Variants in TAX1BP1 observed in about 807,000 individuals in gnomAD.
The protein encoded by TAX1BP1 is Tax1 binding protein 1, also known as tax1-binding protein 1.
In TAX1BP1, 62 loss-of-function variants were observed where a neutral mutation model predicts 97.7. That is an observed-to-expected ratio of 0.63 (90% CI 0.52 to 0.78). The LOEUF (loss-of-function observed/expected upper bound fraction) is 0.78, where lower values mean the gene tolerates loss of function less well. Ranked by LOEUF, TAX1BP1 falls within the 30% of genes least tolerant of loss-of-function variation. The pLI is 0.00. For missense variants in TAX1BP1, 867 were observed against 916.1 expected (o/e 0.95, Z 0.69); for synonymous variants, 340 against 304.2 (o/e 1.12, Z -1.23).
intron 3 of TAX1BP1, among the ~76,000 whole-genome samples, chr7:27,760,210 A>G (rs954021585): frequency 2.0e-5 from 3 of 152,076 alleles, no homozygotes; most frequent in East Asian, 3.9e-4. Flanking sequence ...CTGGTTTACC[A>G]TATTCAGAAT....
chr7:27,779,449 T>G (rs1194008221), intron 5 of TAX1BP1, among the ~76,000 whole-genome samples: 1 of 152,260 alleles, frequency 6.6e-6, no homozygotes, highest in Non-Finnish European at 1.5e-5. Context: ...GAACTAGCTT[T>G]GTAATTTCCC....
intron 8 of TAX1BP1, among the ~76,000 whole-genome samples, chr7:27,788,739 C>T (rs1283541084): frequency 6.6e-6 from 1 of 151,962 alleles, no homozygotes; most frequent in Non-Finnish European, 1.5e-5. Context: ...GCTTTGAATA[C>T]TTTCTTGCTT....
chr7:27,811,649 TAG>T (rs955604668), intron 13 of TAX1BP1, among the ~76,000 whole-genome samples: 3 of 152,074 alleles, frequency 2.0e-5, no homozygotes, highest in Non-Finnish European at 2.9e-5. Flanking sequence ...TTCATTTAAA[TAG>T]AGTTTGATGA....
chr7:27,783,582 A>G (rs1240754658), intron 5 of TAX1BP1, among the ~76,000 whole-genome samples: 1 of 152,206 alleles, frequency 6.6e-6, no homozygotes, highest in Non-Finnish European at 1.5e-5. Context: ...CAATTAGTTC[A>G]TGATTTACAT....
intron 5 of TAX1BP1, among the ~76,000 whole-genome samples, chr7:27,777,427 C>T (rs963155507): frequency 6.6e-6 from 1 of 152,140 alleles, no homozygotes; most frequent in Non-Finnish European, 1.5e-5. Context: ...TTAGAGAATA[C>T]TGTAATTGTT....
chr7:27,770,114 T>C (rs1293484165), intron 5 of TAX1BP1, among the ~76,000 whole-genome samples: 1 of 152,120 alleles, frequency 6.6e-6, no homozygotes, highest in Non-Finnish European at 1.5e-5. Context: ...AATTGTAGAA[T>C]ACTTGATTTT....
chr7:27,747,656 A>G, intron 1 of TAX1BP1, among the ~76,000 whole-genome samples: 1 of 152,122 alleles, frequency 6.6e-6, no homozygotes, highest in Non-Finnish European at 1.5e-5. Context: ...CAAGCTTGTA[A>G]CAGAAGCCCA....
intron 15 of TAX1BP1, among the ~76,000 whole-genome samples, chr7:27,823,775 A>T (rs950231001): frequency 6.6e-6 from 1 of 152,142 alleles, no homozygotes; most frequent in Non-Finnish European, 1.5e-5. Flanking sequence ...AACAACTCCC[A>T]TTCCCTCTTC....
At chr7:27,757,057 C>A (rs1341525231) in intron 2 of TAX1BP1, among the ~76,000 whole-genome samples, 1 of 152,088 alleles carries the variant, frequency 6.6e-6, no homozygotes, top group Non-Finnish European at 1.5e-5. Flanking sequence ...GTAGTTTCAA[C>A]CATTCCTTTG....
intron 13 of TAX1BP1, among the ~76,000 whole-genome samples, chr7:27,801,835 A>C (rs1375476021): frequency 6.6e-6 from 1 of 152,222 alleles, no homozygotes; most frequent in African/African-American, 2.4e-5. Flanking sequence ...CTGTTTTGAC[A>C]CAGACTAACA....
chr7:27,800,172 T>G, intron 13 of TAX1BP1, 82 bp downstream of exon 13: 4 of 1,275,154 alleles, frequency 3.1e-6, no homozygotes, highest in Non-Finnish European at 4.2e-6. Context: ...CAATCTAATG[T>G]ACATTTTAAA....
intron 5 of TAX1BP1, among the ~76,000 whole-genome samples, chr7:27,775,038 G>T (rs1372486147): frequency 6.6e-6 from 1 of 152,108 alleles, no homozygotes; most frequent in Non-Finnish European, 1.5e-5. Flanking sequence ...ATTTATTTAA[G>T]ATTGTCCTGA....
intron 3 of TAX1BP1, among the ~76,000 whole-genome samples, chr7:27,764,981 T>A (rs1218157288): frequency 1.9e-4 from 1 of 5,334 alleles, no homozygotes; most frequent in Non-Finnish European, 3.6e-4. Flanking sequence ...ATTTCTCTTA[T>A]CTTATAGATT....
intron 13 of TAX1BP1, among the ~76,000 whole-genome samples, chr7:27,800,553 CT>C (rs1790093591): frequency 1.3e-5 from 2 of 151,916 alleles, no homozygotes; most frequent in South Asian, 2.1e-4. Flanking sequence ...ACCCACCCCC[CT>C]ACCAGTCTCT....
rs1420858809 is a variant in TAX1BP1, at chr7:27,765,922, C to T, written c.354C>T (p.Phe118=). 1.2e-6 allele frequency: 2 copies of T among 1,614,050 alleles called. No individual in the cohort carries two copies. Among genetic ancestry groups the T allele is most frequent in the Admixed American group, 1.7e-5 (1 of 60,006 alleles). The change falls in exon 4 of 17, where the codon TTC becomes TTT. Residue 118 remains phenylalanine, a synonymous_variant. Coordinates refer to ENST00000396319, the MANE Select transcript of TAX1BP1 (RefSeq NM_006024.7). ...KGEIRGASTP[F]QFRASSPVEE... is the part of the protein sequence containing the mutation. Reference sequence around the variant, plus strand: ...AAATTCGTGGAGCAAGTACACCTTTCCAGTTTCGAGCTTCTTCTCCAGTTG... The same window carrying T: ...AAATTCGTGGAGCAAGTACACCTTTTCAGTTTCGAGCTTCTTCTCCAGTTG...
At chr7:27,777,783 C>T (rs994518629) in intron 5 of TAX1BP1, among the ~76,000 whole-genome samples, 11 of 152,196 alleles carry the variant, frequency 7.2e-5, no homozygotes, top group Non-Finnish European at 1.0e-4. Context: ...AAAAGTCTCT[C>T]TAGACAGTAA....
intron 15 of TAX1BP1, among the ~76,000 whole-genome samples, chr7:27,817,367 T>C (rs1790815498): frequency 6.6e-6 from 1 of 152,228 alleles, no homozygotes; most frequent in Admixed American, 6.5e-5. Flanking sequence ...TACTATATTC[T>C]TTTGATTATA....
rs750607494 is a variant in TAX1BP1, at chr7:27,787,488, A to T, written c.923A>T (p.Asp308Val). Residue 308 changes from aspartate to valine, a missense_variant, in exon 8 of 17, where the codon GAT becomes GTT. Asp to Val is a radical substitution (Grantham distance 152). Around this residue, in one of 3 missense-constraint regions of TAX1BP1, gnomAD observed 822 missense variants for 851.4 expected, o/e 0.97. Transcript: ENST00000396319. Reference sequence around the variant, plus strand: ...GAGGTCCAGACTTTAAAAAATTTAGATGGGAACAAAGAAAGCGTGATTACT... The same window carrying T: ...GAGGTCCAGACTTTAAAAAATTTAGTTGGGAACAAAGAAAGCGTGATTACT... ...MSEVQTLKNL[D>V]GNKESVITHF... The T allele has an allele frequency of 1.2e-6, 2 of 1,613,652 alleles. No individual in the cohort carries two copies. Among genetic ancestry groups the T allele is most frequent in the East Asian group, 4.5e-5 (2 of 44,826 alleles).
intron 5 of TAX1BP1, among the ~76,000 whole-genome samples, chr7:27,772,758 ATG>A (rs1788893020): frequency 6.6e-6 from 1 of 152,052 alleles, no homozygotes; most frequent in African/African-American, 2.4e-5. Context: ...TTTGTTTTTA[ATG>A]TTATTTTATG....
Sources: allele counts gnomAD v4.1 joint callset (sites outside exome capture counted in the v4.1 genomes callset), GRCh38; gene constraint gnomAD v4.1.1; regional missense constraint gnomAD v4.1.1; transcripts MANE v1.5; gene names NCBI Gene and HGNC (gene_info 2026-07-23, HGNC 2026-07-21).